SLC14A2: variants seen among roughly 807,000 people sequenced by gnomAD.
SLC14A2 encodes urea transporter 2.
In SLC14A2, 91 loss-of-function variants were observed where a neutral mutation model predicts 104.6. The ratio of observed to expected loss-of-function variants is 0.87; its 90% confidence interval spans 0.73 to 1.04. The LOEUF (loss-of-function observed/expected upper bound fraction) is 1.04. SLC14A2 is among the 50% of genes least tolerant of loss of function. The probability of loss-of-function intolerance (pLI) is 0.00; values close to 1 mark genes in which losing one functional copy is unlikely to be tolerated. For missense variants in SLC14A2, 1,189 were observed against 1,156.0 expected, an observed-to-expected ratio of 1.03 and a Z score of -0.41; for synonymous variants, 476 against 466.4, an observed-to-expected ratio of 1.02 and a Z score of -0.27.
chr18:45,445,250 T>C (rs1261259779), intron 1 of SLC14A2, among the ~76,000 whole-genome samples: 18 of 151,908 alleles, frequency 1.2e-4, no homozygotes, highest in Admixed American at 1.3e-4. Context: ...TAGCTGGGAC[T>C]ACAGGCATGC....
chr18:45,673,129 A>G (rs1184230234), intron 17 of SLC14A2, 82 bp downstream of exon 17: 1 of 1,309,104 alleles, frequency 7.6e-7, no homozygotes, highest in Non-Finnish European at 1.1e-6. Flanking sequence ...CTCATCTTCA[A>G]CACTCCACCT....
chr18:45,227,550 C>A (rs1003589471), intron 1 of SLC14A2, among the ~76,000 whole-genome samples: 5 of 152,196 alleles, frequency 3.3e-5, no homozygotes, highest in Non-Finnish European at 7.3e-5. Context: ...TTTATTTGGG[C>A]CTTAATCCCA....
intron 5 of SLC14A2, among the ~76,000 whole-genome samples, chr18:45,634,021 C>T (rs1404545177): frequency 2.0e-5 from 3 of 152,204 alleles, no homozygotes; most frequent in Non-Finnish European, 2.9e-5. Context: ...AGCCCCTCAA[C>T]ACAGCTCCTC....
At chr18:45,264,238 G>A (rs1283401707) in intron 1 of SLC14A2, among the ~76,000 whole-genome samples, 1 of 151,696 alleles carries the variant, frequency 6.6e-6, no homozygotes, top group African/African-American at 2.4e-5. Flanking sequence ...TGTTTTTATT[G>A]CTCATTATTT....
chr18:45,532,477 T>C (rs2043709260), intron 2 of SLC14A2, among the ~76,000 whole-genome samples: 1 of 140,670 alleles, frequency 7.1e-6, no homozygotes. Flanking sequence ...TGAATGGGAG[T>C]TCACTCATGA....
Position 45,422,600 on chromosome 18 carries a change from G to T in SLC14A2, c.-124-60633G>T, listed in dbSNP as rs117041032. 7.5e-3 allele frequency among the ~76,000 whole-genome samples: 1,138 copies of T among 152,276 alleles called. 8 individuals are homozygous for T. The highest frequency in any genetic ancestry group is 0.011 in the Non-Finnish European group (753 of 68,036). ...GGCAGATTCAGGAATCACCCACAGA[G>T]CAGCCTGTGAGAGGCCCCAAACATG... On this transcript the variant is annotated intron_variant, in intron 1 of 20. Coordinates refer to the SLC14A2 transcript ENST00000586448.
intron 1 of SLC14A2, among the ~76,000 whole-genome samples, chr18:45,338,705 A>C (rs886437431): frequency 2.1e-5 from 3 of 141,966 alleles, no homozygotes; most frequent in Admixed American, 7.1e-5. Flanking sequence ...AAAAAAAAAA[A>C]AAAAAAACTC....
chr18:45,349,617 G>A (rs904147290), intron 1 of SLC14A2, among the ~76,000 whole-genome samples: 1 of 152,168 alleles, frequency 6.6e-6, no homozygotes, highest in Non-Finnish European at 1.5e-5. Context: ...ATTCTCACAG[G>A]TTGCGCAGTG....
chr18:45,386,341 GT>G (rs1416675477), intron 1 of SLC14A2, among the ~76,000 whole-genome samples: 3 of 152,156 alleles, frequency 2.0e-5, no homozygotes, highest in African/African-American at 7.2e-5. Flanking sequence ...CAAGAACTCA[GT>G]TTTTGTGGCT....
chr18:45,284,069 A>T (rs7241750), intron 1 of SLC14A2, among the ~76,000 whole-genome samples: 32,064 of 152,228 alleles, frequency 0.21, 4,900 homozygotes, highest in African/African-American at 0.43. Flanking sequence ...TTATTGCATG[A>T]ACTTTTATTT....
At chr18:45,509,238 G>C (rs928392944) in intron 2 of SLC14A2, among the ~76,000 whole-genome samples, 2 of 151,992 alleles carry the variant, frequency 1.3e-5, no homozygotes, top group African/African-American at 4.8e-5. Flanking sequence ...AGAGGAGATG[G>C]ACCAAATCTC....
chr18:45,626,116 G>A (rs192477518), intron 3 of SLC14A2, among the ~76,000 whole-genome samples: 1 of 152,240 alleles, frequency 6.6e-6, no homozygotes, highest in African/African-American at 2.4e-5. Context: ...ATTGATCTTA[G>A]TTCTTTGCAA....
chr18:45,357,022 T>G (rs2085561208), intron 1 of SLC14A2, among the ~76,000 whole-genome samples: 1 of 152,144 alleles, frequency 6.6e-6, no homozygotes, highest in South Asian at 2.1e-4. Flanking sequence ...TCACTGGATT[T>G]TGACTATTTG....
chr18:45,407,146 T>C (rs2086164361), intron 1 of SLC14A2, among the ~76,000 whole-genome samples: 1 of 152,134 alleles, frequency 6.6e-6, no homozygotes, highest in Non-Finnish European at 1.5e-5. Flanking sequence ...GCTGTTTCAT[T>C]ACCATGAAAA....
chr18:45,399,498 G>A (rs2086072480), intron 1 of SLC14A2, among the ~76,000 whole-genome samples: 1 of 152,128 alleles, frequency 6.6e-6, no homozygotes, highest in Non-Finnish European at 1.5e-5. Context: ...AGTCTAGCTG[G>A]GGTCCATTGA....
At chr18:45,652,291 C>T (rs1259121964) in intron 10 of SLC14A2, among the ~76,000 whole-genome samples, 1 of 152,196 alleles carries the variant, frequency 6.6e-6, no homozygotes, top group Non-Finnish European at 1.5e-5. Context: ...TCTAGCCATT[C>T]AGAGAAGATG....
chr18:45,552,149 T>A (rs1225499990), intron 2 of SLC14A2, among the ~76,000 whole-genome samples: 2 of 152,146 alleles, frequency 1.3e-5, no homozygotes, highest in Non-Finnish European at 2.9e-5. Context: ...CCACCCTTCC[T>A]TGGCGTTGAA....
intron 1 of SLC14A2, among the ~76,000 whole-genome samples, chr18:45,234,702 G>A (rs970502778): frequency 2.0e-5 from 3 of 152,164 alleles, no homozygotes; most frequent in Non-Finnish European, 4.4e-5. Context: ...TCTTCTGTGG[G>A]GAACCCGTTT....
At chr18:45,182,302 C>A in the SLC14A2 span, among the ~76,000 whole-genome samples, 2 of 151,660 alleles carry the variant, frequency 1.3e-5, no homozygotes, top group Admixed American at 1.3e-4. Flanking sequence ...GGATAAGAGA[C>A]ACAGTACTTT....
Sources: gnomAD v4.1 joint callset for allele counts (sites outside exome capture counted in the v4.1 genomes callset) on GRCh38, gnomAD v4.1.1 for gene constraint, MANE v1.5 for transcripts, NCBI Gene and HGNC (gene_info 2026-07-23, HGNC 2026-07-21) for gene names.